NRG1: variants seen among roughly 807,000 people sequenced by gnomAD.
NRG1 encodes the protein neuregulin 1.
A neutral mutation model predicts 63.8 loss-of-function variants in NRG1; 18 were observed. That is an observed-to-expected ratio of 0.28 (90% confidence interval 0.19 to 0.42). The LOEUF is 0.42. Among genes scored for constraint, NRG1 ranks in the 10% least tolerant of loss-of-function variants. The pLI is 1.00. For missense variants in NRG1, 762 were observed against 814.7 expected (o/e 0.94, Z 0.79); for synonymous variants, 302 against 301.3 (o/e 1.00, Z -0.02).
intron 1 of NRG1, among the ~76,000 whole-genome samples, chr8:31,660,177 C>A (rs1463114437): frequency 6.6e-6 from 1 of 152,192 alleles, no homozygotes; most frequent in Admixed American, 6.5e-5. Flanking sequence ...TCCCTGCCCT[C>A]CGTAATTCAG....
intron 1 of NRG1, among the ~76,000 whole-genome samples, chr8:32,511,165 A>G (rs978233113): frequency 6.6e-6 from 1 of 150,712 alleles, no homozygotes; most frequent in African/African-American, 2.4e-5. Context: ...ATGAAATGGG[A>G]ACTGTTCCAA....
chr8:31,796,878 C>T (rs1341645293), intron 1 of NRG1, among the ~76,000 whole-genome samples: 1 of 152,058 alleles, frequency 6.6e-6, no homozygotes, highest in African/African-American at 2.4e-5. Flanking sequence ...TTCTTTCTTA[C>T]CAGTGACTCA....
At chr8:32,448,497 G>C (rs1820550431) in intron 1 of NRG1, among the ~76,000 whole-genome samples, 1 of 152,116 alleles carries the variant, frequency 6.6e-6, no homozygotes, top group South Asian at 2.1e-4. Flanking sequence ...CTTTTAGCTG[G>C]CCCGAGTCTG....
In NRG1 at chr8:32,647,871, G is replaced by A. The variant is rs146016234; in HGVS notation, c.502+30986G>A. 337 of 1,614,124 alleles carry A rather than the reference G, an allele frequency of 2.1e-4. No homozygotes were observed. In the African/African-American group the frequency reaches 4.1e-3, roughly 20 times the overall value. ...TGAAGATGGGAGAACCCCTGGACTC[G>A]TGGGCCTGGCCGTGCCCTGCTGTGC... is the stretch of plus-strand genomic sequence containing the variant. On this transcript the variant is annotated intron_variant, in intron 5 of 11. Transcript: ENST00000356819.
At chr8:32,046,838 A>G (rs567934167) in intron 1 of NRG1, among the ~76,000 whole-genome samples, 237 of 152,182 alleles carry the variant, frequency 1.6e-3, no homozygotes, top group African/African-American at 5.3e-3. Flanking sequence ...GCTGTTCCAC[A>G]TCTTGATTCT....
chr8:32,413,528 G>T (rs920499975), intron 1 of NRG1, among the ~76,000 whole-genome samples: 1 of 152,190 alleles, frequency 6.6e-6, no homozygotes, highest in Non-Finnish European at 1.5e-5. Context: ...AAGGCCGGGC[G>T]CAGTGGCTCA....
At chr8:32,442,742 C>T (rs1819711032) in intron 1 of NRG1, 1 of 152,112 alleles carries the variant, frequency 6.6e-6, no homozygotes, top group African/African-American at 2.4e-5. Flanking sequence ...GAGGACATGC[C>T]ATTAAAAGCA....
At chr8:32,414,671 G>C (rs1340238561) in intron 1 of NRG1, among the ~76,000 whole-genome samples, 1 of 152,170 alleles carries the variant, frequency 6.6e-6, no homozygotes, top group Non-Finnish European at 1.5e-5. Flanking sequence ...CCTGTAGCAG[G>C]AGAGTAGTGC....
intron 5 of NRG1, among the ~76,000 whole-genome samples, chr8:32,670,928 A>T (rs751739862): frequency 6.6e-6 from 1 of 152,166 alleles, no homozygotes; most frequent in Non-Finnish European, 1.5e-5. Context: ...ATGATTTGTC[A>T]GTTAAAAATA....
At chr8:32,722,616 G>C (rs1180021670) in intron 5 of NRG1, among the ~76,000 whole-genome samples, 1 of 152,082 alleles carries the variant, frequency 6.6e-6, no homozygotes, top group Non-Finnish European at 1.5e-5. Context: ...TTATATTACA[G>C]TCTACATGCT....
At chr8:32,422,337 C>T (rs1049374426) in intron 1 of NRG1, among the ~76,000 whole-genome samples, 1 of 152,104 alleles carries the variant, frequency 6.6e-6, no homozygotes, top group Admixed American at 6.6e-5. Context: ...ATACTCCTCA[C>T]AAAATAATAT....
chr8:32,343,775 T>C (rs1036964214), intron 1 of NRG1, among the ~76,000 whole-genome samples: 1 of 152,216 alleles, frequency 6.6e-6, no homozygotes, highest in Non-Finnish European at 1.5e-5. Flanking sequence ...TAGCACCTCA[T>C]TGTGGATACA....
chr8:31,955,265 G>A (rs1196019042), intron 1 of NRG1, among the ~76,000 whole-genome samples: 1 of 152,072 alleles, frequency 6.6e-6, no homozygotes, highest in East Asian at 1.9e-4. Context: ...AAATAAATAA[G>A]TTGAAAATTA....
intron 1 of NRG1, among the ~76,000 whole-genome samples, chr8:32,480,331 A>C (rs1034839058): frequency 1.3e-5 from 2 of 152,158 alleles, no homozygotes; most frequent in African/African-American, 4.8e-5. Flanking sequence ...ATGCTGTCAA[A>C]GGATCCAAAG....
chr8:32,422,300 T>C (rs563694149), intron 1 of NRG1, among the ~76,000 whole-genome samples: 2 of 152,342 alleles, frequency 1.3e-5, no homozygotes, highest in East Asian at 3.9e-4. Context: ...TATTAGTTTA[T>C]AACTTGTTCT....
intron 1 of NRG1, among the ~76,000 whole-genome samples, chr8:32,177,182 C>T (rs1382919615): frequency 2.6e-5 from 4 of 151,998 alleles, no homozygotes; most frequent in Non-Finnish European, 4.4e-5. Context: ...TTTGTAAGGA[C>T]ATGGATGAAG....
intron 1 of NRG1, among the ~76,000 whole-genome samples, chr8:31,920,423 G>A (rs1174494627): frequency 2.0e-5 from 3 of 152,174 alleles, no homozygotes; most frequent in African/African-American, 7.2e-5. Flanking sequence ...ATTAATGCAT[G>A]TATGGTGTAT....
intron 1 of NRG1, among the ~76,000 whole-genome samples, chr8:32,170,393 G>T (rs1184434637): frequency 2.0e-5 from 3 of 152,148 alleles, no homozygotes; most frequent in African/African-American, 7.2e-5. Flanking sequence ...CCCCTGCTTT[G>T]TCTGGGAAGG....
chr8:31,892,173 T>A (rs1034275502), intron 1 of NRG1, among the ~76,000 whole-genome samples: 1 of 152,160 alleles, frequency 6.6e-6, no homozygotes, highest in Non-Finnish European at 1.5e-5. Flanking sequence ...CAACTGCCTA[T>A]GAATTTACAC....
Sources: gnomAD v4.1 joint callset for allele counts (sites outside exome capture counted in the v4.1 genomes callset) on GRCh38, gnomAD v4.1.1 for gene constraint, MANE v1.5 for transcripts, NCBI Gene and HGNC (gene_info 2026-07-23, HGNC 2026-07-21) for gene names.